AVIL: variants seen among roughly 807,000 people sequenced by gnomAD.
The protein encoded by AVIL is advillin.
Under a neutral mutation model 109.9 loss-of-function variants are expected in AVIL, and 78 were observed. The observed-to-expected ratio is 0.71, with a 90% CI of 0.59 to 0.86. The LOEUF (loss-of-function observed/expected upper bound fraction) is 0.86, where lower values mean the gene tolerates loss of function less well. Ranked by LOEUF, AVIL falls within the 40% of genes least tolerant of loss-of-function variation. AVIL has a pLI of 0.00. For missense variants in AVIL, 892 were observed against 1,016.5 expected (o/e 0.88, Z 1.67); for synonymous variants, 367 against 379.1 (o/e 0.97, Z 0.37).
In AVIL at chr12:57,798,028, G is replaced by C. The variant is rs758272362; in HGVS notation, c.2347-33C>G. 63 of 1,514,440 alleles carry C rather than the reference G, an allele frequency of 4.2e-5. 1 individual carries two copies. The South Asian group carries it at 6.4e-4, about 15-fold the overall frequency. 93.8% of individuals were successfully genotyped at this position (1,514,440 alleles called of 1,614,324 possible). On this transcript the variant is annotated intron_variant, in intron 19 of 19. Transcript: ENST00000549994. Reference sequence around the variant, plus strand: ...AGAAAACAAAGTTTCTAGTTAGAAGGAAGACATGACATCATTGCCAACAGA... The same window carrying C: ...AGAAAACAAAGTTTCTAGTTAGAAGCAAGACATGACATCATTGCCAACAGA...
At chr12:57,804,235 A>C (rs1955906033) in intron 14 of AVIL, 2 of 152,616 alleles carry the variant, frequency 1.3e-5, no homozygotes, top group Middle Eastern at 6.8e-3. Flanking sequence ...TACAATATTT[A>C]GCCTTTCAGT....
rs138499913 is a variant in AVIL, at chr12:57,810,889, A to G, written c.485T>C (p.Val162Ala). ...GACTTTCCCAAGGTCCAGCAAGAAG[A>G]CATCACCTCGGTTGAAACTGTCCCA... ...MSWDSFNRGD[V>A]FLLDLGKVII... Residue 162 changes from valine to alanine, a missense_variant, in exon 6 of 20, where the codon GTC becomes GCC. Val to Ala is a moderately conservative substitution (Grantham distance 64, BLOSUM62 0). Transcript: ENST00000549994. 1.4e-5 allele frequency: 23 copies of G among 1,614,032 alleles called. No homozygotes were observed. In the African/African-American group the frequency reaches 2.7e-4, roughly 19 times the overall value.
rs922509093 is a variant in AVIL, at chr12:57,808,481, G to A, written c.1007C>T (p.Ser336Leu). ...CTGGAACAGCTGCTTGAACATGGCC[G>A]ACTCAGCACCATCGTTGACGGTCTC... is the stretch of plus-strand genomic sequence containing the variant. ...NVETVNDGAE[S>L]AMFKQLFQKW... is the part of the protein sequence containing the mutation. The change falls in exon 10 of 20, where the codon TCG becomes TTG. Residue 336 changes from serine (S) to leucine (L), a missense_variant. Coordinates refer to ENST00000549994, the MANE Select transcript of AVIL (RefSeq NM_006576.4). 9.3e-6 allele frequency: 15 copies of A among 1,613,968 alleles called. No homozygotes were observed. The highest frequency in any genetic ancestry group is 1.3e-5 in the African/African-American group (1 of 74,870).
chr12:57,802,700 C>A, intron 16 of AVIL: 1 of 613,062 alleles, frequency 1.6e-6, no homozygotes. Flanking sequence ...GTATCTGAGT[C>A]TCCACTTTTG....
In AVIL at chr12:57,806,395, G is replaced by T. The variant is rs761954969; in HGVS notation, c.1636C>A (p.Arg546=). 11 of 1,613,928 alleles carry T rather than the reference G, an allele frequency of 6.8e-6. 1 individual carries two copies. Among genetic ancestry groups the T allele is most frequent in the Non-Finnish European group, 8.5e-6 (10 of 1,180,012 alleles). The change falls in exon 14 of 20, where the codon CGA becomes AGA. Residue 546 remains arginine (R), a synonymous_variant. Coordinates refer to ENST00000549994, the MANE Select transcript of AVIL (RefSeq NM_006576.4). ...CACAGGTAGTGCTCTGCCTGAGTTC[G>T]CAGCAGAAAGACATCATTGGAGTTT... The part of the protein sequence containing the change: ...SLNSNDVFLL[R]TQAEHYLWYG...
In AVIL at chr12:57,808,491, C is replaced by T. The variant is rs1188138920; in HGVS notation, c.997G>A (p.Gly333Ser). ...TGCTTGAACATGGCCGACTCAGCAC[C>T]ATCGTTGACGGTCTCCACATTGGTG... ...SSTNVETVND[G>S]AESAMFKQLF... is the part of the protein sequence containing the mutation. The change falls in exon 10 of 20, where the codon GGT becomes AGT. Residue 333 changes from glycine to serine, a missense_variant. Coordinates refer to ENST00000549994, the MANE Select transcript of AVIL (RefSeq NM_006576.4). 1.1e-5 allele frequency: 18 copies of T among 1,614,150 alleles called. No homozygotes were observed. Among genetic ancestry groups the T allele is most frequent in the Non-Finnish European group, 1.5e-5 (18 of 1,180,032 alleles).
rs2140459262 is a variant in AVIL, at chr12:57,813,442, G to A, written c.142-19C>T. 1 of 1,609,540 alleles carries A rather than the reference G, an allele frequency of 6.2e-7. No homozygotes were observed. Among genetic ancestry groups the A allele is most frequent in the Non-Finnish European group, 8.5e-7 (1 of 1,177,680 alleles). ...TCCGGGTCTGGGAGGTAGTCAGAGAGATCAGGTCAGAGGCCAGCTCACCTC... is the reference window on the plus strand; with the variant it reads ...TCCGGGTCTGGGAGGTAGTCAGAGAAATCAGGTCAGAGGCCAGCTCACCTC... On this transcript the variant is annotated intron_variant, in intron 3 of 19. Transcript: ENST00000549994.
At chr12:57,817,357 A>G (rs1035509422) in intron 1 of AVIL, among the ~76,000 whole-genome samples, 2 of 150,226 alleles carry the variant, frequency 1.3e-5, no homozygotes, top group Non-Finnish European at 3.0e-5. Flanking sequence ...TTTGGAGAGC[A>G]TGCGCCATCT....
rs530240073 is a variant in AVIL at position 57,797,397 on chromosome 12, T to C, written c.*485A>G. On this transcript the variant is annotated 3_prime_UTR_variant, in exon 20 of 20. Transcript: ENST00000549994. ...TCCATTTGTTCATTATAGGTATCTT[T>C]ATTTGAAAAGTGAAAAATGCTTTGA... is the stretch of plus-strand genomic sequence containing the variant. 3 of 985,444 alleles carry C rather than the reference T, an allele frequency of 3.0e-6. No homozygotes were observed. The highest frequency in any genetic ancestry group is 3.5e-5 in the African/African-American group (2 of 57,362). 61.0% of individuals were successfully genotyped at this position (985,444 alleles called of 1,614,324 possible). A position where few individuals can be genotyped will look rare whatever the true frequency, so the allele number is the denominator to read the frequency against.
chr12:57,799,671 G>A, intron 19 of AVIL, 124 bp downstream of exon 19: 1 of 1,383,756 alleles, frequency 7.2e-7, no homozygotes, highest in Non-Finnish European at 9.8e-7. Flanking sequence ...TGAGTTCCTA[G>A]GTAGCTCAGA....
Position 57,797,949 on chromosome 12 carries a change from C to T in AVIL, c.2393G>A (p.Arg798Lys). 6.2e-7 allele frequency: 1 copy of T among 1,613,328 alleles called. No homozygotes were observed. The highest frequency in any genetic ancestry group is 8.5e-7 in the Non-Finnish European group (1 of 1,179,572). The change falls in exon 20 of 20, where the codon AGA (arginine) becomes AAA (lysine). Residue 798 changes from arginine (R) to lysine (K), a missense_variant. Coordinates refer to ENST00000549994, the MANE Select transcript of AVIL (RefSeq NM_006576.4). ...QDFVSVFGIT[R>K]GQFAALPGWK... ...GCCAGGCAGAGCTGCAAATTGCCCTCTTGTGATGCCAAACACAGACACAAA... is the reference window on the plus strand; with the variant it reads ...GCCAGGCAGAGCTGCAAATTGCCCTTTTGTGATGCCAAACACAGACACAAA...
intron 17 of AVIL, 166 bp from the exon 18 acceptor site, chr12:57,801,378 A>C: frequency 1.8e-6 from 1 of 545,934 alleles, no homozygotes; most frequent in Non-Finnish European, 3.3e-6. Context: ...TGCAGGCTTG[A>C]AAGGTGCTTA....
rs182625611 is a variant in AVIL at position 57,807,569 on chromosome 12, T to A, written c.1332+21A>T. The A allele has an allele frequency of 4.4e-4, 717 of 1,614,238 alleles. 4 individuals are homozygous for A. In the Middle Eastern group the frequency reaches 5.4e-3, roughly 12 times the overall value. On this transcript the variant is annotated intron_variant, in intron 12 of 19. Transcript: ENST00000549994. ...CAGAGGACACATCAGGATCCAAAGC[T>A]GAAGCCTGTGCCAGGCCTACCTGCC...
At chr12:57,802,034 G>A (rs1489370720) in intron 17 of AVIL, 126 bp downstream of exon 17, 6 of 1,085,100 alleles carry the variant, frequency 5.5e-6, no homozygotes, top group Non-Finnish European at 7.8e-6. Context: ...GCAGGGAGTG[G>A]GATGGGAGTA....
chr12:57,817,093 C>T (rs570129523), intron 1 of AVIL, among the ~76,000 whole-genome samples: 8 of 151,992 alleles, frequency 5.3e-5, no homozygotes, highest in Admixed American at 2.6e-4. Context: ...TGTCCAAGGC[C>T]ACGTAGAGGC....
intron 9 of AVIL, 80 bp downstream of exon 9, chr12:57,809,517 A>G: frequency 2.7e-6 from 4 of 1,495,696 alleles, no homozygotes; most frequent in Non-Finnish European, 3.7e-6. Flanking sequence ...TCAAATACCT[A>G]GCATGGCTCT....
chr12:57,810,771 G>A (rs746589966), intron 6 of AVIL, 45 bp downstream of exon 6: 4 of 1,582,116 alleles, frequency 2.5e-6, no homozygotes, highest in African/African-American at 1.3e-5. Context: ...ATGGAGGGAA[G>A]AAGAAAGAGG....
At chr12:57,801,037 T>C (rs1955836787) in intron 18 of AVIL, 107 bp downstream of exon 18, 4 of 856,378 alleles carry the variant, frequency 4.7e-6, no homozygotes, top group Non-Finnish European at 7.4e-6. Context: ...ACAACTATGG[T>C]AATACTAAGG....
chr12:57,803,160 G>C (rs1051111937), intron 16 of AVIL, 87 bp downstream of exon 16: 14 of 1,532,242 alleles, frequency 9.1e-6, no homozygotes, highest in Non-Finnish European at 1.3e-5. Context: ...GCTACCCTGG[G>C]TTTATTCTAG....
Sources: allele counts gnomAD v4.1 joint callset (sites outside exome capture counted in the v4.1 genomes callset), GRCh38; gene constraint gnomAD v4.1.1; transcripts MANE v1.5; gene names NCBI Gene and HGNC (gene_info 2026-07-23, HGNC 2026-07-21).